The following NLRC3 variants were observed in gnomAD, a reference collection of about 807,000 sequenced individuals.
The protein encoded by NLRC3 is NLR family CARD domain containing 3, also known as NLR family CARD domain-containing protein 3.
A neutral mutation model predicts 91.6 loss-of-function variants in NLRC3; 87 were observed. That is an observed-to-expected ratio of 0.95 (90% confidence interval 0.80 to 1.14). The LOEUF (loss-of-function observed/expected upper bound fraction) is 1.14. NLRC3 is among the 50% of genes most tolerant of loss of function. The pLI, the probability that NLRC3 is intolerant of heterozygous loss-of-function variation, is 0.00. For synonymous variants in NLRC3, 694 were observed against 625.3 expected, an observed-to-expected ratio of 1.11 and a Z score of -1.64; for missense variants, 1,577 against 1,418.6, an observed-to-expected ratio of 1.11 and a Z score of -1.79.
rs1042322065 is a variant in NLRC3, at chr16:3,541,701, A to G, written c.*124T>C. The G allele has an allele frequency of 1.2e-5, 8 of 673,440 alleles. No homozygotes were observed. In the African/African-American group the frequency reaches 1.4e-4, roughly 12 times the overall value. 41.7% of individuals were successfully genotyped at this position (673,440 alleles called of 1,614,324 possible). ...CAGCACCTCTCCTTCCTCCCTGCAG[A>G]GCCCGGCTCTCGTGCTGAGCAAGCA... On this transcript the variant is annotated 3_prime_UTR_variant, in exon 20 of 20. Coordinates refer to ENST00000359128, the MANE Select transcript of NLRC3 (RefSeq NM_178844.4).
At chr16:3,544,048 T>TA in intron 16 of NLRC3, 198 bp downstream of exon 16, 4 of 564,724 alleles carry the variant, frequency 7.1e-6, no homozygotes, top group Admixed American at 3.1e-5. Context: ...CCAACTACTG[T>TA]ATGGGAGGCT....
chr16:3,571,651 T>A (rs2040101942), intron 1 of NLRC3, among the ~76,000 whole-genome samples: 1 of 151,612 alleles, frequency 6.6e-6, no homozygotes, highest in South Asian at 2.1e-4. Context: ...ATTAAATAAT[T>A]AAAATATTTG....
At chr16:3,548,892 A>G (rs1228110537) in intron 13 of NLRC3, 139 bp from the exon 14 acceptor site, 7 of 675,108 alleles carry the variant, frequency 1.0e-5, no homozygotes, top group South Asian at 1.9e-5. Flanking sequence ...ACGTTGCCCA[A>G]TGGCATGGTA....
Position 3,564,254 on chromosome 16 carries a change from A to G in NLRC3, c.683T>C (p.Leu228Pro), listed in dbSNP as rs746668447. 7 of 1,612,734 alleles carry G rather than the reference A, an allele frequency of 4.3e-6. No homozygotes were observed. Among genetic ancestry groups the G allele is most frequent in the Non-Finnish European group, 5.9e-6 (7 of 1,179,726 alleles). The change falls in exon 5 of 20, where the codon CTG (leucine) becomes CCG (proline). Residue 228 changes from leucine (L) to proline (P), a missense_variant. By Grantham distance (98) the Leu-to-Pro change is moderately conservative (BLOSUM62 -3). Coordinates refer to ENST00000359128, the MANE Select transcript of NLRC3 (RefSeq NM_178844.4). The surrounding 1 kb of genome is among the most constrained non-coding windows in gnomAD (Gnocchi z 5.9). ...GCAGGCCACGGTGTTGGAGAAGTCC[A>G]GAGGCGTCCTGCACTCATCCAAGCC... ...LDGLDECRTP[L>P]DFSNTVACTD... is the part of the protein sequence containing the mutation.
Position 3,544,287 on chromosome 16 carries a change from C to G in NLRC3, c.2814G>C (p.Val938=). The part of the protein sequence containing the change: ...NAIGDDGACA[V]ARALKVNTAL... ...CTGTGTTGACCTTCAGTGCACGGGC[C>G]ACCGCACACGCTCCGTCATCCCCGA... The change falls in exon 16 of 20, where the codon GTG becomes GTC. Residue 938 remains valine (V), a synonymous_variant. Transcript: ENST00000359128. The G allele has an allele frequency of 6.2e-7, 1 of 1,613,556 alleles. No homozygotes were observed. Among genetic ancestry groups the G allele is most frequent in the Non-Finnish European group, 8.5e-7 (1 of 1,179,528 alleles).
At chr16:3,571,157 C>G (rs981986356) in intron 1 of NLRC3, among the ~76,000 whole-genome samples, 3 of 151,874 alleles carry the variant, frequency 2.0e-5, no homozygotes, top group Admixed American at 1.3e-4. Flanking sequence ...GGCATTGGGG[C>G]AATTGACCAG....
chr16:3,565,181 G>A, intron 3 of NLRC3, 121 bp from the exon 4 acceptor site: 1 of 781,370 alleles, frequency 1.3e-6, no homozygotes. Context: ...TCAGCCTTTG[G>A]GTGGCCCACT....
rs1198236902 is a variant in NLRC3, at chr16:3,545,107, G to GGT, written c.2772-780_2772-779dup. The GGT allele has an allele frequency of 3.9e-5, 6 of 152,370 alleles. No individual in the cohort carries two copies. In the East Asian group the frequency reaches 1.2e-3, roughly 29 times the overall value. 9.4% of individuals were successfully genotyped at this position (152,370 alleles called of 1,614,324 possible). The stretch of plus-strand genomic sequence containing the variant: ...ACTGAGTTTAGCTCAAGCGCACACT[G>GGT]GTATGTTCAAGGCCAAGAGCTGTTT... On this transcript the variant is annotated intron_variant, in intron 15 of 19. Transcript: ENST00000359128.
At chr16:3,562,648 A>C (rs1238136861) in intron 5 of NLRC3, among the ~76,000 whole-genome samples, 1 of 152,080 alleles carries the variant, frequency 6.6e-6, no homozygotes, top group African/African-American at 2.4e-5. Context: ...CTCAAAAAAA[A>C]AGAGAGGACA....
chr16:3,557,077 TTCGTGA>T, intron 7 of NLRC3, 83 bp from the exon 8 acceptor site: 1 of 929,486 alleles, frequency 1.1e-6, no homozygotes, highest in Admixed American at 2.0e-5. Context: ...GACCTTGAAA[TTCGTGA>T]TCCTCTAAGG....
intron 2 of NLRC3, among the ~76,000 whole-genome samples, chr16:3,565,687 G>A (rs540582100): frequency 9.9e-5 from 15 of 152,136 alleles, no homozygotes; most frequent in Admixed American, 9.2e-4. Flanking sequence ...GGGTACTACA[G>A]TGGTGGGTCC....
intron 1 of NLRC3, among the ~76,000 whole-genome samples, chr16:3,576,823 T>G (rs866185292): frequency 2.0e-5 from 3 of 152,200 alleles, no homozygotes; most frequent in East Asian, 1.9e-4. Flanking sequence ...TCTGCCAACA[T>G]GCCTGGCTAA....
At chr16:3,546,178 G>A (rs759631270) in intron 15 of NLRC3, among the ~76,000 whole-genome samples, 1 of 151,860 alleles carries the variant, frequency 6.6e-6, no homozygotes, top group Non-Finnish European at 1.5e-5. Context: ...TGGGAGGATC[G>A]CTTGAGCCCA....
Position 3,577,133 on chromosome 16 carries a change from C to T in NLRC3, c.-169+16G>A. ...CCTCCCCTGCCCTGCACTGAGGTCA[C>T]CTGGACCCAACTTACCTCCCGGGCC... is the stretch of plus-strand genomic sequence containing the variant. On this transcript the variant is annotated intron_variant, in intron 1 of 19. Transcript: ENST00000359128. 1.4e-6 allele frequency: 1 copy of T among 703,148 alleles called. No individual in the cohort carries two copies. Among genetic ancestry groups the T allele is most frequent in the Non-Finnish European group, 2.6e-6 (1 of 385,034 alleles). The allele number at this position is 703,148 out of a possible 1,614,324, so 43.6% of individuals were successfully genotyped here.
At chr16:3,568,143 G>A (rs1482289172) in intron 1 of NLRC3, among the ~76,000 whole-genome samples, 3 of 152,142 alleles carry the variant, frequency 2.0e-5, no homozygotes, top group African/African-American at 7.2e-5. Context: ...TAACACAGGT[G>A]ATGCTTTTTA....
intron 13 of NLRC3, 67 bp from the exon 14 acceptor site, chr16:3,548,820 C>G: frequency 9.2e-7 from 1 of 1,085,682 alleles, no homozygotes. Context: ...CCTTGGTCAC[C>G]AGGGATTCCA....
Position 3,548,701 on chromosome 16 carries a change from C to A in NLRC3, c.2656G>T (p.Val886Leu), listed in dbSNP as rs747703426. The A allele has an allele frequency of 8.7e-6, 14 of 1,600,366 alleles. No individual in the cohort carries two copies. In the Admixed American group the frequency reaches 2.4e-4, roughly 28 times the overall value. Residue 886 changes from valine (V) to leucine (L), a missense_variant, in exon 14 of 20, where the codon GTG becomes TTG. Coordinates refer to ENST00000359128, the MANE Select transcript of NLRC3 (RefSeq NM_178844.4). ...DQGARAIAVA[V>L]RENRTLTSLH... is the part of the protein sequence containing the mutation. ...GAGGTGAGGGTGCGGTTTTCTCTCA[C>A]TGCCACTGCGATGGCCCGGGCACCC... is the stretch of plus-strand genomic sequence containing the variant.
At chr16:3,575,500 G>A (rs1339962629) in intron 1 of NLRC3, among the ~76,000 whole-genome samples, 1 of 152,210 alleles carries the variant, frequency 6.6e-6, no homozygotes, top group Non-Finnish European at 1.5e-5. Context: ...CAGCTGGTTT[G>A]AGCTGCTGCG....
At position 3,563,382 on chromosome 16, in the gene NLRC3, C is replaced by G; in HGVS notation, c.1555G>C (p.Gly519Arg). The G allele has an allele frequency of 1.3e-6, 2 of 1,583,294 alleles. No individual in the cohort carries two copies. The highest frequency in any genetic ancestry group is 1.7e-6 in the Non-Finnish European group (2 of 1,165,428). Residue 519 changes from glycine (G) to arginine (R), a missense_variant, in exon 5 of 20, where the codon GGC (glycine) becomes CGC (arginine). Physicochemically the swap from Gly to Arg is moderately radical, Grantham distance 125. Transcript: ENST00000359128. ...GCATTGACCCTCGGAGACAAGAGGC[C>G]GGAGAGGAAGCGCAGGAACACGTCC... is the stretch of plus-strand genomic sequence containing the variant. ...RLDVFLRFLS[G>R]LLSPRVNALL...
Sources: allele counts gnomAD v4.1 joint callset (sites outside exome capture counted in the v4.1 genomes callset), GRCh38; gene constraint gnomAD v4.1.1; non-coding constraint Gnocchi (gnomAD v3.1); transcripts MANE v1.5; gene names NCBI Gene and HGNC (gene_info 2026-07-23, HGNC 2026-07-21).